The following WDPCP variants were observed in gnomAD, a reference collection of about 807,000 sequenced individuals.
WDPCP encodes WD repeat containing planar cell polarity effector.
WDPCP carries 71 observed loss-of-function variants against 93.1 expected under a neutral mutation model. That is an observed-to-expected ratio of 0.76 (90% CI 0.63 to 0.93). WDPCP has a LOEUF of 0.93. Among genes scored for constraint, WDPCP ranks in the 40% least tolerant of loss-of-function variants. The pLI, the probability that WDPCP is intolerant of heterozygous loss-of-function variation, is 0.00. For missense variants in WDPCP, 844 were observed against 887.4 expected, an observed-to-expected ratio of 0.95 and a Z score of 0.62; for synonymous variants, 315 against 315.0, an observed-to-expected ratio of 1.00 and a Z score of 0.00.
chr2:63,742,628 G>T (rs1669741073), intron 2 of WDPCP, among the ~76,000 whole-genome samples: 1 of 149,862 alleles, frequency 6.7e-6, no homozygotes, highest in Non-Finnish European at 1.5e-5. Context: ...AAATTCTAAT[G>T]ATATTATCTG....
At chr2:63,389,720 A>G (rs982475966) in intron 10 of WDPCP, among the ~76,000 whole-genome samples, 2 of 152,180 alleles carry the variant, frequency 1.3e-5, no homozygotes, top group Non-Finnish European at 2.9e-5. Context: ...AGCAAATAGA[A>G]AGCAAAAAAA....
intron 6 of WDPCP, among the ~76,000 whole-genome samples, chr2:63,477,158 T>A (rs990662498): frequency 1.3e-5 from 2 of 152,154 alleles, no homozygotes; most frequent in African/African-American, 4.8e-5. Flanking sequence ...CAAACATGAA[T>A]GTGACTTAAA....
chr2:63,779,734 G>A (rs74410748), intron 2 of WDPCP, among the ~76,000 whole-genome samples: 1,876 of 152,210 alleles, frequency 0.012, 17 homozygotes, highest in Non-Finnish European at 0.015. Flanking sequence ...GCAAAGAGAG[G>A]AGGCAGTTTC....
intron 15 of WDPCP, among the ~76,000 whole-genome samples, chr2:63,167,916 A>G (rs781448251): frequency 7.2e-5 from 11 of 152,116 alleles, no homozygotes; most frequent in Non-Finnish European, 1.6e-4. Flanking sequence ...GAAGTTCAAG[A>G]CTAGCCTGGG....
intron 13 of WDPCP, among the ~76,000 whole-genome samples, chr2:63,279,174 T>C (rs1683317843): frequency 6.6e-6 from 1 of 151,928 alleles, no homozygotes; most frequent in African/African-American, 2.4e-5. Context: ...GGGAAGGACA[T>C]AACAAAAAAT....
chr2:63,276,302 A>C (rs1683085727), intron 13 of WDPCP, among the ~76,000 whole-genome samples: 1 of 152,190 alleles, frequency 6.6e-6, no homozygotes, highest in African/African-American at 2.4e-5. Context: ...AATTCTGGTA[A>C]TATGATAAAA....
intron 3 of WDPCP, among the ~76,000 whole-genome samples, chr2:63,646,210 C>T (rs1710048111): frequency 1.3e-5 from 2 of 151,946 alleles, no homozygotes; most frequent in African/African-American, 2.4e-5. Flanking sequence ...TTTGCAAATA[C>T]TATCTTATAA....
chr2:63,555,454 T>G (rs1311000334), intron 1 of WDPCP, among the ~76,000 whole-genome samples: 1 of 152,124 alleles, frequency 6.6e-6, no homozygotes, highest in Non-Finnish European at 1.5e-5. Flanking sequence ...CCAGTGGGAT[T>G]CCCCCCAGTG....
At chr2:63,632,015 C>A (rs2106634206) in intron 3 of WDPCP, among the ~76,000 whole-genome samples, 1 of 152,306 alleles carries the variant, frequency 6.6e-6, no homozygotes, top group Non-Finnish European at 1.5e-5. Context: ...AGCACCCCCA[C>A]AAAAGGATAG....
intron 1 of WDPCP, among the ~76,000 whole-genome samples, chr2:63,554,352 T>C (rs1436256344): frequency 6.6e-6 from 1 of 152,238 alleles, no homozygotes; most frequent in Admixed American, 6.5e-5. Context: ...GTCCCATTAT[T>C]GGGGTTGGCA....
chr2:63,225,140 T>C lies in WDPCP; in HGVS notation c.1915+34167A>G, dbSNP rs146318717. On this transcript the variant is annotated intron_variant, in intron 14 of 17. Transcript: ENST00000272321. ...AATACTTTTCAGACTTTGGGGTTGTTCTGCAGTACATACATTTAACAAAAG... is the reference window on the plus strand; with the variant it reads ...AATACTTTTCAGACTTTGGGGTTGTCCTGCAGTACATACATTTAACAAAAG... 1.3e-3 allele frequency among the ~76,000 whole-genome samples: 195 copies of C among 152,002 alleles called. 2 individuals are homozygous for C. The highest frequency in any genetic ancestry group is 4.3e-3 in the African/African-American group (179 of 41,532).
At chr2:63,384,740 G>T (rs1000858909) in intron 10 of WDPCP, among the ~76,000 whole-genome samples, 2 of 149,016 alleles carry the variant, frequency 1.3e-5, no homozygotes, top group Non-Finnish European at 3.0e-5. Context: ...ATAGTAATAC[G>T]TAAAAAAAAA....
intron 2 of WDPCP, among the ~76,000 whole-genome samples, chr2:63,661,529 T>C (rs993647895): frequency 3.3e-5 from 5 of 152,210 alleles, no homozygotes; most frequent in African/African-American, 9.7e-5. Flanking sequence ...AAAATAATGA[T>C]AGAATGAACA....
At chr2:63,362,726 G>T (rs887688249) in intron 12 of WDPCP, among the ~76,000 whole-genome samples, 2 of 152,060 alleles carry the variant, frequency 1.3e-5, no homozygotes, top group Non-Finnish European at 2.9e-5. Flanking sequence ...GTGCAGTGGT[G>T]CAATCATAGC....
intron 2 of WDPCP, among the ~76,000 whole-genome samples, chr2:63,774,002 A>G (rs1396362391): frequency 6.6e-6 from 1 of 152,118 alleles, no homozygotes; most frequent in Non-Finnish European, 1.5e-5. Flanking sequence ...AAGTCACTGT[A>G]TATTCTAGGG....
At chr2:63,362,620 AT>A (rs1465071691) in intron 12 of WDPCP, among the ~76,000 whole-genome samples, 2 of 152,008 alleles carry the variant, frequency 1.3e-5, no homozygotes, top group Non-Finnish European at 2.9e-5. Flanking sequence ...TCAGAAATTA[AT>A]TTACTTTACA....
At chr2:63,599,156 T>C (rs1181920518) in intron 3 of WDPCP, 1 of 1,612,242 alleles carries the variant, frequency 6.2e-7, no homozygotes, top group Non-Finnish European at 8.5e-7. Context: ...TTCAGTGCCT[T>C]CCATTCCTCC....
intron 15 of WDPCP, among the ~76,000 whole-genome samples, chr2:63,169,698 C>T (rs1673238860): frequency 6.6e-6 from 1 of 152,066 alleles, no homozygotes; most frequent in African/African-American, 2.4e-5. Flanking sequence ...TATACAAACG[C>T]TGTTGCTTCT....
chr2:63,510,770 AAGAC>A (rs1480931706), intron 1 of WDPCP, among the ~76,000 whole-genome samples: 2 of 152,120 alleles, frequency 1.3e-5, no homozygotes, highest in African/African-American at 4.8e-5. Context: ...TCAGGTACTC[AAGAC>A]CAGCCTGGCC....
Sources: allele counts gnomAD v4.1 joint callset (sites outside exome capture counted in the v4.1 genomes callset), GRCh38; gene constraint gnomAD v4.1.1; transcripts MANE v1.5; gene names NCBI Gene and HGNC (gene_info 2026-07-23, HGNC 2026-07-21).